B3GALT1: variants seen among roughly 807,000 people sequenced by gnomAD.
The protein encoded by B3GALT1 is beta-1,3-galactosyltransferase 1.
Under a neutral mutation model 23.2 loss-of-function variants are expected in B3GALT1, and 10 were observed. The ratio of observed to expected loss-of-function variants is 0.43; its 90% CI spans 0.27 to 0.73. The LOEUF is 0.73. B3GALT1 is among the 30% of genes least tolerant of loss of function. B3GALT1 has a pLI of 0.21. For missense variants in B3GALT1, 299 were observed against 405.4 expected, an observed-to-expected ratio of 0.74 and a Z score of 2.25; for synonymous variants, 156 against 141.5, an observed-to-expected ratio of 1.10 and a Z score of -0.73.
intron 3 of B3GALT1, among the ~76,000 whole-genome samples, chr2:167,701,640 T>G (rs1469716630): frequency 1.3e-5 from 2 of 152,180 alleles, no homozygotes; most frequent in African/African-American, 4.8e-5. Flanking sequence ...TGCGCCTTTG[T>G]TTTTACTAAG....
At chr2:167,761,519 C>T (rs543614694) in intron 3 of B3GALT1, among the ~76,000 whole-genome samples, 18 of 152,184 alleles carry the variant, frequency 1.2e-4, no homozygotes, top group Non-Finnish European at 2.1e-4. Context: ...AAATCAAGGC[C>T]TTTTTTTCTT....
At chr2:167,705,630 G>A (rs1686955556) in intron 3 of B3GALT1, among the ~76,000 whole-genome samples, 1 of 152,152 alleles carries the variant, frequency 6.6e-6, no homozygotes, top group Non-Finnish European at 1.5e-5. Flanking sequence ...CTTTAATTCT[G>A]TGATGCAGCT....
At chr2:167,608,638 T>G (rs1685008226) in intron 2 of B3GALT1, among the ~76,000 whole-genome samples, 1 of 152,186 alleles carries the variant, frequency 6.6e-6, no homozygotes, top group South Asian at 2.1e-4. Flanking sequence ...CATAGGAAGT[T>G]CTGATCCAAT....
At chr2:167,594,935 G>A (rs1274961396) in intron 2 of B3GALT1, among the ~76,000 whole-genome samples, 2 of 151,964 alleles carry the variant, frequency 1.3e-5, no homozygotes, top group Non-Finnish European at 2.9e-5. Flanking sequence ...CAAAAACTTG[G>A]ATAATGGACA....
chr2:167,501,626 A>G (rs531270617), intron 2 of B3GALT1, among the ~76,000 whole-genome samples: 1 of 151,886 alleles, frequency 6.6e-6, no homozygotes, highest in African/African-American at 2.4e-5. Context: ...TTGTAATGTA[A>G]ATATAAAATC....
At chr2:167,430,735 G>A (rs1698693879) in intron 1 of B3GALT1, among the ~76,000 whole-genome samples, 1 of 152,166 alleles carries the variant, frequency 6.6e-6, no homozygotes, top group East Asian at 1.9e-4. Flanking sequence ...TGGGAAGATT[G>A]TAGGAGCCAG....
At chr2:167,551,821 T>A (rs1683753230) in intron 2 of B3GALT1, among the ~76,000 whole-genome samples, 1 of 152,112 alleles carries the variant, frequency 6.6e-6, no homozygotes, top group South Asian at 2.1e-4. Flanking sequence ...GAAGTAGATA[T>A]GTGAGAAGTG....
chr2:167,842,474 G>A (rs1032398506), intron 4 of B3GALT1, among the ~76,000 whole-genome samples: 2 of 152,122 alleles, frequency 1.3e-5, no homozygotes, highest in African/African-American at 2.4e-5. Context: ...GGACAGGAGC[G>A]CCTGCACTTA....
intron 4 of B3GALT1, among the ~76,000 whole-genome samples, chr2:167,821,719 G>C (rs1213388630): frequency 6.6e-6 from 1 of 151,130 alleles, no homozygotes; most frequent in Non-Finnish European, 1.5e-5. Context: ...ACAGGCGTAA[G>C]CCACTGCACC....
At chr2:167,405,675 G>C (rs1395655107) in intron 1 of B3GALT1, among the ~76,000 whole-genome samples, 4 of 152,070 alleles carry the variant, frequency 2.6e-5, no homozygotes, top group Non-Finnish European at 5.9e-5. Flanking sequence ...TTACTCATTA[G>C]ATTCCTTATG....
At chr2:167,669,012 T>C (rs1249112724) in intron 3 of B3GALT1, among the ~76,000 whole-genome samples, 2 of 152,222 alleles carry the variant, frequency 1.3e-5, no homozygotes, top group Admixed American at 1.3e-4. Flanking sequence ...CTGCCTTCTT[T>C]ATATAAAGTT....
intron 3 of B3GALT1, among the ~76,000 whole-genome samples, chr2:167,795,065 C>T (rs531212151): frequency 5.9e-5 from 9 of 152,234 alleles, no homozygotes; most frequent in Non-Finnish European, 8.8e-5. Flanking sequence ...AGAGGTAACC[C>T]GGTTACTAGG....
chr2:167,523,888 C>T (rs1218729102), intron 2 of B3GALT1, among the ~76,000 whole-genome samples: 6 of 150,734 alleles, frequency 4.0e-5, no homozygotes, highest in Admixed American at 6.6e-5. Flanking sequence ...TCATAATAGT[C>T]CATTAGATGG....
At chr2:167,746,134 A>C (rs1687648479) in intron 3 of B3GALT1, among the ~76,000 whole-genome samples, 1 of 152,192 alleles carries the variant, frequency 6.6e-6, no homozygotes, top group African/African-American at 2.4e-5. Context: ...TAATTCCTCT[A>C]TTAGATAACT....
At chr2:167,294,818 C>G (rs185098355) in intron 1 of B3GALT1, among the ~76,000 whole-genome samples, 1 of 152,106 alleles carries the variant, frequency 6.6e-6, no homozygotes, top group East Asian at 1.9e-4. Flanking sequence ...TATGTAGCTC[C>G]GTAATCTCTT....
chr2:167,816,496 G>T (rs1033288949), intron 3 of B3GALT1, among the ~76,000 whole-genome samples: 1 of 151,416 alleles, frequency 6.6e-6, no homozygotes, highest in Non-Finnish European at 1.5e-5. Context: ...ATGCTATGAT[G>T]ACTATAATAA....
At chr2:167,436,720 G>T (rs1412474438) in intron 1 of B3GALT1, among the ~76,000 whole-genome samples, 3 of 151,902 alleles carry the variant, frequency 2.0e-5, no homozygotes, top group African/African-American at 7.3e-5. Flanking sequence ...TACAAGATAC[G>T]GTGTGGGCTT....
At chr2:167,586,333 T>G (rs908316117) in intron 2 of B3GALT1, among the ~76,000 whole-genome samples, 4 of 152,162 alleles carry the variant, frequency 2.6e-5, no homozygotes, top group African/African-American at 9.7e-5. Context: ...GGAGTCTTGC[T>G]CAGTCGCCCA....
chr2:167,704,696 G>A (rs1304230342), intron 3 of B3GALT1, among the ~76,000 whole-genome samples: 1 of 152,114 alleles, frequency 6.6e-6, no homozygotes, highest in Non-Finnish European at 1.5e-5. Context: ...CTGTTTTTAA[G>A]TAAATGAACA....
Sources: allele counts gnomAD v4.1 joint callset (sites outside exome capture counted in the v4.1 genomes callset), GRCh38; gene constraint gnomAD v4.1.1; transcripts MANE v1.5; gene names NCBI Gene and HGNC (gene_info 2026-07-23, HGNC 2026-07-21).